Variants in ERBB4 observed in about 807,000 individuals in gnomAD.
The protein encoded by ERBB4 is receptor tyrosine-protein kinase erbB-4.
Under a neutral mutation model 158.0 loss-of-function variants are expected in ERBB4, and 42 were observed. The ratio of observed to expected loss-of-function variants is 0.27; its 90% confidence interval spans 0.21 to 0.34. ERBB4 has a LOEUF of 0.34. ERBB4 is among the 10% of genes least tolerant of loss of function. ERBB4 has a pLI of 1.00. For missense variants in ERBB4, 1,333 were observed against 1,624.1 expected (o/e 0.82, Z 3.08); for synonymous variants, 583 against 558.7 (o/e 1.04, Z -0.61).
At chr2:212,406,620 G>C (rs568053447) in intron 1 of ERBB4, among the ~76,000 whole-genome samples, 40 of 152,190 alleles carry the variant, frequency 2.6e-4, no homozygotes, top group African/African-American at 9.4e-4. Context: ...TAAAGGACGG[G>C]TACATTAATG....
intron 4 of ERBB4, among the ~76,000 whole-genome samples, chr2:211,782,612 T>C (rs2076063441): frequency 6.6e-6 from 1 of 152,166 alleles, no homozygotes; most frequent in Non-Finnish European, 1.5e-5. Context: ...AACATTAATA[T>C]GGAAAAATAG....
At chr2:211,770,913 C>G (rs556631266) in intron 4 of ERBB4, among the ~76,000 whole-genome samples, 1 of 152,288 alleles carries the variant, frequency 6.6e-6, no homozygotes, top group South Asian at 2.1e-4. Flanking sequence ...CGCAAAACAA[C>G]AGAGAACTAA....
chr2:211,651,778 T>C (rs1009970316), intron 16 of ERBB4, among the ~76,000 whole-genome samples: 34 of 152,308 alleles, frequency 2.2e-4, no homozygotes, highest in African/African-American at 7.7e-4. Flanking sequence ...GCCTCAGTTC[T>C]ACAACTTCAA....
At chr2:212,231,601 A>G (rs2083668071) in intron 1 of ERBB4, among the ~76,000 whole-genome samples, 1 of 152,198 alleles carries the variant, frequency 6.6e-6, no homozygotes, top group African/African-American at 2.4e-5. Flanking sequence ...GGGATGGTCC[A>G]TATTGTGGAT....
chr2:212,253,164 T>A (rs995101472), intron 1 of ERBB4, among the ~76,000 whole-genome samples: 11 of 152,138 alleles, frequency 7.2e-5, no homozygotes, highest in Non-Finnish European at 8.8e-5. Context: ...TGATACCACA[T>A]AATCTGTAAT....
intron 1 of ERBB4, among the ~76,000 whole-genome samples, chr2:212,283,219 C>T (rs1417345751): frequency 6.6e-6 from 1 of 151,942 alleles, no homozygotes; most frequent in East Asian, 1.9e-4. Flanking sequence ...AAAAAGCAAT[C>T]AGTATGACTT....
chr2:212,053,542 C>T (rs185302238), intron 2 of ERBB4, among the ~76,000 whole-genome samples: 1 of 152,280 alleles, frequency 6.6e-6, no homozygotes, highest in East Asian at 1.9e-4. Context: ...CACTCTGCTG[C>T]CATAGTAATT....
At chr2:211,887,231 G>C (rs1340968175) in intron 3 of ERBB4, among the ~76,000 whole-genome samples, 1 of 147,424 alleles carries the variant, frequency 6.8e-6, no homozygotes, top group Non-Finnish European at 1.5e-5. Context: ...TTAGTGAACA[G>C]AGTTGAAAGA....
chr2:212,415,660 T>C (rs1039714635), intron 1 of ERBB4, among the ~76,000 whole-genome samples: 3 of 152,080 alleles, frequency 2.0e-5, no homozygotes, highest in Non-Finnish European at 2.9e-5. Context: ...TTAGAAGACA[T>C]TGATATACTA....
intron 3 of ERBB4, among the ~76,000 whole-genome samples, chr2:211,902,206 T>C (rs1419867340): frequency 6.6e-6 from 1 of 152,112 alleles, no homozygotes; most frequent in Non-Finnish European, 1.5e-5. Context: ...CCACAAAGAC[T>C]ATTTTGCGAA....
chr2:211,916,834 A>G (rs2079706889), intron 3 of ERBB4, among the ~76,000 whole-genome samples: 1 of 152,228 alleles, frequency 6.6e-6, no homozygotes, highest in African/African-American at 2.4e-5. Context: ...TAGGAAAGAC[A>G]TAGGAAATAC....
chr2:212,444,499 G>A (rs1433593164), intron 1 of ERBB4, among the ~76,000 whole-genome samples: 1 of 152,180 alleles, frequency 6.6e-6, no homozygotes, highest in African/African-American at 2.4e-5. Context: ...ACCTCACTGA[G>A]TGGTCAAAAA....
chr2:211,424,424 A>G (rs1319241422), intron 22 of ERBB4, 123 bp from the exon 23 acceptor site: 5 of 677,012 alleles, frequency 7.4e-6, no homozygotes, highest in Non-Finnish European at 1.3e-5. Flanking sequence ...AATTAAAAAA[A>G]AAAAAGCTCC....
chr2:212,240,637 C>CAAAAAAAAAAAAAAAAAAAAAA (rs71054188), intron 1 of ERBB4, among the ~76,000 whole-genome samples: 23 of 35,790 alleles, frequency 6.4e-4, no homozygotes, highest in Non-Finnish European at 8.4e-4. Context: ...CACTCTGGCT[C>CAAAAAAAAAAAAAAAAAAAAAA]AAAAAAAAAA....
intron 1 of ERBB4, among the ~76,000 whole-genome samples, chr2:212,193,109 C>A (rs1029301378): frequency 6.6e-6 from 1 of 152,126 alleles, no homozygotes; most frequent in African/African-American, 2.4e-5. Flanking sequence ...GCAAGACCCA[C>A]ATGTTTTTAC....
chr2:212,245,550 C>T (rs1332211597), intron 1 of ERBB4, among the ~76,000 whole-genome samples: 3 of 152,002 alleles, frequency 2.0e-5, no homozygotes, highest in African/African-American at 4.8e-5. Flanking sequence ...ATCTTCTTGC[C>T]AACACTGGGA....
intron 2 of ERBB4, among the ~76,000 whole-genome samples, chr2:212,072,252 A>G (rs1468250433): frequency 6.6e-6 from 1 of 151,992 alleles, no homozygotes; most frequent in Non-Finnish European, 1.5e-5. Context: ...AACTATTTCT[A>G]GTTTTATAAT....
Position 212,449,866 on chromosome 2 carries a change from C to T in ERBB4, c.82+88583G>A, listed in dbSNP as rs1298016780. 4.0e-5 allele frequency among the ~76,000 whole-genome samples: 6 copies of T among 150,478 alleles called. No homozygotes were observed. The East Asian group carries it at 1.2e-3, about 29-fold the overall frequency. On this transcript the variant is annotated intron_variant, in intron 1 of 27. Coordinates refer to ENST00000342788, the MANE Select transcript of ERBB4 (RefSeq NM_005235.3). ...TACTGATATAGCTATAATATTAATA[C>T]AGCCAAAATAGACACTTATTGTAGG...
At chr2:211,828,972 T>C (rs184750043) in intron 3 of ERBB4, among the ~76,000 whole-genome samples, 1 of 152,312 alleles carries the variant, frequency 6.6e-6, no homozygotes, top group Admixed American at 6.5e-5. Context: ...AACCACTCTC[T>C]TTCCTTCTTT....
Sources: gnomAD v4.1 joint callset for allele counts (sites outside exome capture counted in the v4.1 genomes callset) on GRCh38, gnomAD v4.1.1 for gene constraint, MANE v1.5 for transcripts, NCBI Gene and HGNC (gene_info 2026-07-23, HGNC 2026-07-21) for gene names.